The following COG5 variants were observed in gnomAD, a reference collection of about 807,000 sequenced individuals.
COG5 encodes conserved oligomeric Golgi complex subunit 5.
A neutral mutation model predicts 110.4 loss-of-function variants in COG5; 86 were observed. That is an observed-to-expected ratio of 0.78 (90% CI 0.65 to 0.93). COG5 has a LOEUF of 0.93. Ranked by LOEUF, COG5 falls within the 40% of genes least tolerant of loss-of-function variation. The probability of loss-of-function intolerance (pLI) is 0.00; values close to 1 mark genes in which losing one functional copy is unlikely to be tolerated. For missense variants in COG5, 1,077 were observed against 987.0 expected, an observed-to-expected ratio of 1.09 and a Z score of -1.22; for synonymous variants, 360 against 334.6, an observed-to-expected ratio of 1.08 and a Z score of -0.83.
intron 6 of COG5, among the ~76,000 whole-genome samples, chr7:107,467,335 C>G (rs896743194): frequency 6.6e-6 from 1 of 152,058 alleles, no homozygotes; most frequent in Non-Finnish European, 1.5e-5. Flanking sequence ...CAAGGATCTT[C>G]ATAAATTGAT....
At chr7:107,437,079 G>A (rs1375279778) in intron 6 of COG5, among the ~76,000 whole-genome samples, 1 of 152,058 alleles carries the variant, frequency 6.6e-6, no homozygotes, top group East Asian at 1.9e-4. Flanking sequence ...ACCTAGACAA[G>A]GAATTTAATG....
chr7:107,541,496 CAAAA>C (rs869244428), intron 5 of COG5, among the ~76,000 whole-genome samples: 6 of 31,946 alleles, frequency 1.9e-4, no homozygotes, highest in East Asian at 1.4e-3. Context: ...GACCCTGTCT[CAAAA>C]AAAAAAAAAA....
chr7:107,236,760 C>T, intron 17 of COG5, 73 bp from the exon 18 acceptor site: 2 of 920,836 alleles, frequency 2.2e-6, no homozygotes, highest in Non-Finnish European at 3.6e-6. Flanking sequence ...ACCCCTCTCC[C>T]CACCAATGCT....
intron 6 of COG5, among the ~76,000 whole-genome samples, chr7:107,435,453 G>A (rs1053865797): frequency 6.6e-6 from 1 of 152,116 alleles, no homozygotes; most frequent in Non-Finnish European, 1.5e-5. Flanking sequence ...AGGAATTTGA[G>A]ACCAGCCTGA....
intron 10 of COG5, among the ~76,000 whole-genome samples, chr7:107,338,973 C>G (rs933565223): frequency 6.6e-6 from 1 of 152,034 alleles, no homozygotes. Flanking sequence ...ACAATAGAAA[C>G]TACAAAGCAA....
intron 5 of COG5, among the ~76,000 whole-genome samples, chr7:107,535,026 C>T (rs114487081): frequency 0.047 from 7,054 of 151,588 alleles, 259 homozygotes; most frequent in Middle Eastern, 0.071. Context: ...CTCTCAAAAC[C>T]GCACAACTAT....
At chr7:107,558,839 G>A (rs1343616630) in intron 1 of COG5, among the ~76,000 whole-genome samples, 1 of 131,644 alleles carries the variant, frequency 7.6e-6, no homozygotes, top group Non-Finnish European at 1.6e-5. Context: ...AGTGAGCTGA[G>A]ATTGCGCCAT....
At chr7:107,455,345 T>C (rs1052243666) in intron 6 of COG5, among the ~76,000 whole-genome samples, 28 of 152,214 alleles carry the variant, frequency 1.8e-4, no homozygotes, top group African/African-American at 6.5e-4. Flanking sequence ...AGACAAATAA[T>C]TGAAGGTCTA....
intron 10 of COG5, among the ~76,000 whole-genome samples, chr7:107,341,882 A>G (rs763819489): frequency 6.6e-6 from 1 of 152,218 alleles, no homozygotes; most frequent in Non-Finnish European, 1.5e-5. Context: ...AACTTAACTA[A>G]GGTGGATTGA....
At chr7:107,504,740 T>G (rs1191566114) in intron 6 of COG5, among the ~76,000 whole-genome samples, 2 of 152,172 alleles carry the variant, frequency 1.3e-5, no homozygotes, top group Non-Finnish European at 2.9e-5. Context: ...GGTTGTATGT[T>G]TCCAGGAATT....
At chr7:107,413,285 G>A (rs1447392119) in intron 6 of COG5, among the ~76,000 whole-genome samples, 1 of 151,756 alleles carries the variant, frequency 6.6e-6, no homozygotes, top group Admixed American at 6.6e-5. Flanking sequence ...GAGTAGCTGG[G>A]CCCCAGTATT....
intron 3 of COG5, among the ~76,000 whole-genome samples, chr7:107,551,082 G>A (rs1490752037): frequency 4.6e-5 from 7 of 151,994 alleles, no homozygotes; most frequent in South Asian, 2.1e-4. Flanking sequence ...TCGCTCTGTC[G>A]CCCAGGCTGG....
chr7:107,240,619 C>A (rs1285462238), intron 17 of COG5, among the ~76,000 whole-genome samples: 1 of 152,182 alleles, frequency 6.6e-6, no homozygotes, highest in African/African-American at 2.4e-5. Context: ...GTGTGGAGGG[C>A]TTGAAGGGTC....
chr7:107,400,290 A>G (rs1295740657), intron 7 of COG5, among the ~76,000 whole-genome samples: 1 of 151,796 alleles, frequency 6.6e-6, no homozygotes, highest in Non-Finnish European at 1.5e-5. Flanking sequence ...ATAAAGCCAG[A>G]TAAGAGGAAG....
chr7:107,248,937 C>CT lies in COG5; in HGVS notation c.1750-439dup, dbSNP rs202028061. Among the ~76,000 whole-genome samples the CT allele has an allele frequency of 4.9e-3, 744 of 151,284 alleles. 15 individuals carry two copies. The highest frequency in any genetic ancestry group is 0.024 in the East Asian group (122 of 5,154). On this transcript the variant is annotated intron_variant, in intron 16 of 21. Coordinates refer to ENST00000297135, the MANE Select transcript of COG5 (RefSeq NM_006348.5). ...TGAATATAATAAACAGACATTGATT[C>CT]TTTTTTTTTAACTATTAGGTTCAAG...
intron 6 of COG5, among the ~76,000 whole-genome samples, chr7:107,526,431 A>C (rs529757509): frequency 1.3e-4 from 20 of 152,358 alleles, no homozygotes; most frequent in African/African-American, 4.8e-4. Context: ...CATGAACATT[A>C]AACTCTTGAC....
intron 19 of COG5, among the ~76,000 whole-genome samples, chr7:107,221,542 A>T (rs910651182): frequency 2.6e-5 from 4 of 152,060 alleles, no homozygotes; most frequent in Non-Finnish European, 5.9e-5. Context: ...AGGCAGGCAG[A>T]TCATGAGGTC....
intron 7 of COG5, 74 bp from the exon 8 acceptor site, chr7:107,372,834 T>C: frequency 6.9e-7 from 1 of 1,446,270 alleles, no homozygotes; most frequent in South Asian, 1.2e-5. Flanking sequence ...AATATACAAC[T>C]TTAAGCAGGA....
At chr7:107,444,909 C>T (rs775427458) in intron 6 of COG5, among the ~76,000 whole-genome samples, 2 of 152,110 alleles carry the variant, frequency 1.3e-5, no homozygotes, top group South Asian at 4.1e-4. Flanking sequence ...AAATGTAGGG[C>T]AAGCGTAGTG....
Sources: allele counts gnomAD v4.1 joint callset (sites outside exome capture counted in the v4.1 genomes callset), GRCh38; gene constraint gnomAD v4.1.1; transcripts MANE v1.5; gene names NCBI Gene and HGNC (gene_info 2026-07-23, HGNC 2026-07-21).